Variants in ZGRF1 observed in about 807,000 individuals in gnomAD.
The protein encoded by ZGRF1 is zinc finger GRF-type containing 1, also known as 5'-3' DNA helicase ZGRF1.
ZGRF1 carries 196 observed loss-of-function variants against 203.5 expected under a neutral mutation model. The ratio of observed to expected loss-of-function variants is 0.96; its 90% confidence interval spans 0.86 to 1.08. The LOEUF (loss-of-function observed/expected upper bound fraction) is 1.08. ZGRF1 is among the 50% of genes least tolerant of loss of function. The pLI, the probability that ZGRF1 is intolerant of heterozygous loss-of-function variation, is 0.00. For synonymous variants in ZGRF1, 809 were observed against 841.3 expected, an observed-to-expected ratio of 0.96 and a Z score of 0.66; for missense variants, 2,326 against 2,416.3, an observed-to-expected ratio of 0.96 and a Z score of 0.78.
rs750913823 is a variant in ZGRF1 at position 112,587,327 on chromosome 4, C to T, written c.3730G>A (p.Val1244Ile). 1.5e-5 allele frequency: 24 copies of T among 1,613,368 alleles called. No individual in the cohort carries two copies. In the South Asian group the frequency reaches 2.3e-4, roughly 16 times the overall value. ...TTGTAGCAGGTAGACCCTCCTAATA[C>T]ATTTTTAATTTCCTCTGTCTTAGAA... ...QTSKTEEIKNVLGGSTCYNYS... is the reference protein window; with the variant it reads ...QTSKTEEIKNILGGSTCYNYS... Residue 1244 changes from valine to isoleucine, a missense_variant, in exon 12 of 28, where the codon GTA becomes ATA. Transcript: ENST00000505019.
At chr4:112,551,283 T>C (rs1007543737) in intron 22 of ZGRF1, among the ~76,000 whole-genome samples, 11 of 152,226 alleles carry the variant, frequency 7.2e-5, no homozygotes, top group African/African-American at 2.7e-4. Context: ...TAGGTTTGTG[T>C]AAGTACACTA....
chr4:112,585,742 A>AAAG lies in ZGRF1; in HGVS notation c.3917-18_3917-17insCTT. ...TTAGATGTTCTACAAAAAAAAAAAA[A>AAAG]AGAGAGCAGAAAATTAAATACAAAA... On this transcript the variant is annotated splice_polypyrimidine_tract_variant and intron_variant, in intron 13 of 27. Transcript: ENST00000505019. The AAAG allele has an allele frequency of 6.7e-7, 1 of 1,497,696 alleles. No individual in the cohort carries two copies. Among genetic ancestry groups the AAAG allele is most frequent in the Non-Finnish European group, 8.9e-7 (1 of 1,118,954 alleles). 92.8% of individuals were successfully genotyped at this position (1,497,696 alleles called of 1,614,324 possible).
chr4:112,545,872 G>A (rs991926137), intron 24 of ZGRF1, among the ~76,000 whole-genome samples: 1 of 152,028 alleles, frequency 6.6e-6, no homozygotes, highest in African/African-American at 2.4e-5. Flanking sequence ...GACAAATACT[G>A]TATGACTCTA....
chr4:112,573,179 C>T (rs1744503963), intron 16 of ZGRF1, among the ~76,000 whole-genome samples: 1 of 151,106 alleles, frequency 6.6e-6, no homozygotes. Context: ...CACACACACA[C>T]ACACACACAC....
chr4:112,631,443 G>C (rs1200105972), intron 3 of ZGRF1, among the ~76,000 whole-genome samples: 1 of 152,086 alleles, frequency 6.6e-6, no homozygotes, highest in Non-Finnish European at 1.5e-5. Flanking sequence ...GCTGAGGCAG[G>C]CAGCTCACCT....
chr4:112,611,483 C>T (rs1172716984), intron 7 of ZGRF1, among the ~76,000 whole-genome samples: 1 of 152,188 alleles, frequency 6.6e-6, no homozygotes, highest in Non-Finnish European at 1.5e-5. Flanking sequence ...TGTAGAAAGA[C>T]CAGTGCCATA....
chr4:112,560,145 G>C (rs762506918), intron 19 of ZGRF1, among the ~76,000 whole-genome samples: 1 of 152,178 alleles, frequency 6.6e-6, no homozygotes, highest in Non-Finnish European at 1.5e-5. Context: ...GTCTATGAGA[G>C]AAAATGTGCT....
chr4:112,577,472 A>G (rs1282151348), intron 16 of ZGRF1, among the ~76,000 whole-genome samples: 2 of 123,200 alleles, frequency 1.6e-5, no homozygotes, highest in African/African-American at 2.8e-5. Context: ...CAATTAAAAG[A>G]CACAGACTGG....
intron 6 of ZGRF1, among the ~76,000 whole-genome samples, chr4:112,616,239 G>A (rs187237071): frequency 7.9e-5 from 12 of 152,186 alleles, no homozygotes; most frequent in Admixed American, 2.6e-4. Flanking sequence ...CAATTATGGG[G>A]CTGGGTGCAG....
intron 6 of ZGRF1, 41 bp from the exon 7 acceptor site, chr4:112,612,629 T>C (rs2149131177): frequency 8.1e-7 from 1 of 1,239,704 alleles, no homozygotes; most frequent in Non-Finnish European, 1.2e-6. Context: ...TTGTTATATA[T>C]AGCAGTACTC....
chr4:112,621,820 A>G (rs1351863001), intron 4 of ZGRF1, among the ~76,000 whole-genome samples: 1 of 150,952 alleles, frequency 6.6e-6, no homozygotes, highest in Non-Finnish European at 1.5e-5. Flanking sequence ...TCCGCCTCCC[A>G]GGTTCAAGCG....
intron 10 of ZGRF1, among the ~76,000 whole-genome samples, chr4:112,600,418 G>A (rs1297375352): frequency 6.6e-6 from 1 of 152,146 alleles, no homozygotes; most frequent in Non-Finnish European, 1.5e-5. Flanking sequence ...CTAGGGCCAG[G>A]TGTGGTGGAT....
At chr4:112,577,947 A>G (rs1434839133) in intron 16 of ZGRF1, among the ~76,000 whole-genome samples, 3 of 122,368 alleles carry the variant, frequency 2.5e-5, no homozygotes, top group Non-Finnish European at 5.5e-5. Context: ...ATATCTACAC[A>G]ACTCTCCACC....
At chr4:112,594,625 G>C (rs1748702460) in intron 10 of ZGRF1, among the ~76,000 whole-genome samples, 1 of 151,228 alleles carries the variant, frequency 6.6e-6, no homozygotes. Flanking sequence ...GCTAATTTTT[G>C]TATTTTTGGT....
chr4:112,623,847 A>AT lies in ZGRF1; in HGVS notation c.131_132insA (p.Cys44Ter). ...KAILYDDKGACLESLFLKCLE... is the reference protein window; with the variant it reads ...KAILYDDKGA ...GGCATTTAAGAAACAGACTCTCCAA[A>AT]CATGCTCCTTTGTCATCATATAAAA... Residue 44 changes from cysteine (C) to a stop codon, truncating the protein, a stop_gained and frameshift_variant, in exon 4 of 28, where the codon TGT becomes TGAT. Transcript: ENST00000505019. LOFTEE classifies it high-confidence loss of function. 2.5e-6 allele frequency: 4 copies of AT among 1,586,450 alleles called. No individual in the cohort carries two copies. The highest frequency in any genetic ancestry group is 3.5e-6 in the Non-Finnish European group (4 of 1,158,760).
At chr4:112,610,561 A>G (rs1353926154) in intron 7 of ZGRF1, 1 of 152,440 alleles carries the variant, frequency 6.6e-6, no homozygotes, top group African/African-American at 2.4e-5. Context: ...ATAGAGCAAG[A>G]CTCCGTCTCA....
intron 16 of ZGRF1, among the ~76,000 whole-genome samples, chr4:112,572,412 C>T (rs916050325): frequency 7.9e-5 from 12 of 152,044 alleles, no homozygotes; most frequent in East Asian, 3.9e-4. Flanking sequence ...AAACATGGAT[C>T]GAGGATTTAA....
At chr4:112,622,775 C>T (rs1044392078) in intron 4 of ZGRF1, among the ~76,000 whole-genome samples, 2 of 151,998 alleles carry the variant, frequency 1.3e-5, no homozygotes, top group Non-Finnish European at 2.9e-5. Context: ...GCTTTTTCCT[C>T]TTTGAGAGGA....
intron 16 of ZGRF1, among the ~76,000 whole-genome samples, chr4:112,571,766 T>A (rs1327494536): frequency 6.6e-6 from 1 of 152,144 alleles, no homozygotes; most frequent in African/African-American, 2.4e-5. Flanking sequence ...AAGTTTTTCA[T>A]GAAACTTGAT....
Sources: gnomAD v4.1 joint callset for allele counts (sites outside exome capture counted in the v4.1 genomes callset) on GRCh38, gnomAD v4.1.1 for gene constraint, MANE v1.5 for transcripts, NCBI Gene and HGNC (gene_info 2026-07-23, HGNC 2026-07-21) for gene names.